Variants in NFIA observed in about 807,000 individuals in gnomAD.
NFIA encodes the protein nuclear factor I A.
NFIA carries 8 observed loss-of-function variants against 62.8 expected under a neutral mutation model. The observed-to-expected ratio is 0.13, with a 90% CI of 0.07 to 0.23. NFIA has a LOEUF of 0.23. Among genes scored for constraint, NFIA ranks in the 10% least tolerant of loss-of-function variants. The probability of loss-of-function intolerance (pLI) is 1.00; values close to 1 mark genes in which losing one functional copy is unlikely to be tolerated. For synonymous variants in NFIA, 235 were observed against 238.1 expected, an observed-to-expected ratio of 0.99 and a Z score of 0.12; for missense variants, 410 against 642.1, an observed-to-expected ratio of 0.64 and a Z score of 3.91.
chr1:61,160,979 A>G lies in NFIA; in HGVS notation c.559+72299A>G, dbSNP rs149791427. On this transcript the variant is annotated intron_variant, in intron 2 of 10. Coordinates refer to ENST00000403491, the MANE Select transcript of NFIA (RefSeq NM_001134673.4). ...GTCCAGGCTGGAGTGCAGTGGCACA[A>G]TCTCAGCTCACTGCAACCTCTGCCT... Among the ~76,000 whole-genome samples the G allele has an allele frequency of 9.1e-3, 1,392 of 152,310 alleles. 17 individuals carry two copies. The highest frequency in any genetic ancestry group is 0.061 in the Middle Eastern group (18 of 294).
At chr1:61,373,802 T>TA (rs11389337) in intron 6 of NFIA, among the ~76,000 whole-genome samples, 38,126 of 147,370 alleles carry the variant, frequency 0.26, 4,855 homozygotes, top group East Asian at 0.41. Flanking sequence ...TTTTGGAAGT[T>TA]AAAAAAAAAA....
In NFIA at chr1:61,459,725, C is replaced by G. The variant is rs1668457212; in HGVS notation, c.*4405C>G. ...AAGTTTGTCTTTGATTTTTTCCAAG[C>G]CCTTAGCCCCATAAGCTTTGAATCC... On this transcript the variant is annotated 3_prime_UTR_variant, in exon 11 of 11. Coordinates refer to ENST00000403491, the MANE Select transcript of NFIA (RefSeq NM_001134673.4). The G allele has an allele frequency of 6.6e-6, 1 of 152,216 alleles. No individual in the cohort carries two copies. The highest frequency in any genetic ancestry group is 6.5e-5 in the Admixed American group (1 of 15,280). The allele number at this position is 152,216 out of a possible 1,614,324, so 9.4% of individuals were successfully genotyped here. A position where few individuals can be genotyped will look rare whatever the true frequency, so the allele number is the denominator to read the frequency against.
At chr1:61,274,079 C>G (rs1657670788) in intron 2 of NFIA, among the ~76,000 whole-genome samples, 1 of 152,124 alleles carries the variant, frequency 6.6e-6, no homozygotes, top group African/African-American at 2.4e-5. Context: ...GAAGCAGAGA[C>G]AAATATGTAG....
intron 3 of NFIA, among the ~76,000 whole-genome samples, chr1:61,327,038 T>A (rs59359582): frequency 0.048 from 7,066 of 147,884 alleles, 248 homozygotes; most frequent in East Asian, 0.12. Flanking sequence ...GAAAAAAAAA[T>A]ATATATATAT....
intron 2 of NFIA, among the ~76,000 whole-genome samples, chr1:61,242,326 A>C (rs1316941099): frequency 6.6e-6 from 1 of 152,112 alleles, no homozygotes; most frequent in African/African-American, 2.4e-5. Flanking sequence ...TTCTGCTGGC[A>C]TGTTGGTTCA....
intron 2 of NFIA, among the ~76,000 whole-genome samples, chr1:61,165,644 T>C (rs1649518565): frequency 6.6e-6 from 1 of 152,222 alleles, no homozygotes; most frequent in African/African-American, 2.4e-5. Context: ...ATTCAGGAAG[T>C]CATCACATGT....
At chr1:61,264,370 G>C (rs182044817) in intron 2 of NFIA, among the ~76,000 whole-genome samples, 6 of 152,074 alleles carry the variant, frequency 3.9e-5, no homozygotes, top group Non-Finnish European at 7.4e-5. Context: ...TTGACTGAGC[G>C]TGGTGACTCA....
At chr1:61,187,871 C>A (rs551600915) in intron 2 of NFIA, among the ~76,000 whole-genome samples, 1 of 152,106 alleles carries the variant, frequency 6.6e-6, no homozygotes, top group Non-Finnish European at 1.5e-5. Flanking sequence ...TGTGTGAGAG[C>A]GGGCTGTGCC....
intron 10 of NFIA, 24 bp from the exon 11 acceptor site, chr1:61,455,279 T>C: frequency 6.2e-7 from 1 of 1,612,860 alleles, no homozygotes. Flanking sequence ...TGATTTTAAT[T>C]GTATTTTTCC....
At chr1:61,176,830 C>T (rs1036359900) in intron 2 of NFIA, among the ~76,000 whole-genome samples, 2 of 152,000 alleles carry the variant, frequency 1.3e-5, no homozygotes, top group African/African-American at 2.4e-5. Flanking sequence ...TTGGGCTGGG[C>T]GCGGTGGCTC....
At chr1:61,084,086 A>G (rs553550153) in intron 1 of NFIA, among the ~76,000 whole-genome samples, 5 of 152,302 alleles carry the variant, frequency 3.3e-5, no homozygotes, top group South Asian at 4.1e-4. Context: ...GGATCTGACC[A>G]TTAATCACCT....
chr1:61,445,640 G>A (rs1667774921), intron 10 of NFIA, among the ~76,000 whole-genome samples: 1 of 152,146 alleles, frequency 6.6e-6, no homozygotes, highest in Admixed American at 6.5e-5. Flanking sequence ...TGGGCTTTCA[G>A]GATAACACAG....
intron 2 of NFIA, among the ~76,000 whole-genome samples, chr1:61,119,449 TTTAA>T (rs1204246449): frequency 9.9e-5 from 15 of 152,210 alleles, no homozygotes; most frequent in African/African-American, 1.9e-4. Flanking sequence ...TCTGTTTGTC[TTTAA>T]TTAAGAGAAA....
chr1:61,383,394 G>A (rs1664520447), intron 7 of NFIA, 29 bp downstream of exon 7: 2 of 1,613,072 alleles, frequency 1.2e-6, no homozygotes, highest in South Asian at 2.2e-5. Flanking sequence ...ACCCTTGGTT[G>A]TGCTTATATC....
chr1:61,340,836 A>G (rs917193906), intron 4 of NFIA, among the ~76,000 whole-genome samples: 2 of 152,222 alleles, frequency 1.3e-5, no homozygotes, highest in Non-Finnish European at 2.9e-5. Flanking sequence ...GCATGCCAAT[A>G]GTAGACCTCA....
intron 3 of NFIA, among the ~76,000 whole-genome samples, chr1:61,297,598 T>C: frequency 6.6e-6 from 1 of 152,186 alleles, no homozygotes; most frequent in Non-Finnish European, 1.5e-5. Flanking sequence ...TAACTCTACA[T>C]GAAACATTTA....
chr1:61,149,128 T>TCAAG (rs1048409702), intron 2 of NFIA, among the ~76,000 whole-genome samples: 2 of 150,334 alleles, frequency 1.3e-5, no homozygotes, highest in African/African-American at 4.9e-5. Context: ...ACTCCTGGCC[T>TCAAG]CAAGCAGTCT....
At chr1:61,382,230 TG>T (rs1664457155) in intron 6 of NFIA, among the ~76,000 whole-genome samples, 1 of 152,170 alleles carries the variant, frequency 6.6e-6, no homozygotes. Flanking sequence ...TGCCTCCAGT[TG>T]GGTATGTCAG....
chr1:61,163,807 A>G (rs543686296), intron 2 of NFIA, among the ~76,000 whole-genome samples: 5 of 152,272 alleles, frequency 3.3e-5, no homozygotes, highest in African/African-American at 1.2e-4. Flanking sequence ...AAATGCTTGG[A>G]GCATCTAGAG....
Sources: allele counts gnomAD v4.1 joint callset (sites outside exome capture counted in the v4.1 genomes callset), GRCh38; gene constraint gnomAD v4.1.1; transcripts MANE v1.5; gene names NCBI Gene and HGNC (gene_info 2026-07-23, HGNC 2026-07-21).